Variants in KIR2DL1 observed in about 807,000 individuals in gnomAD.
The protein encoded by KIR2DL1 is killer cell immunoglobulin like receptor, two Ig domains and long cytoplasmic tail 1.
Under a neutral mutation model 33.9 loss-of-function variants are expected in KIR2DL1, and 38 were observed. The observed-to-expected ratio is 1.12, with a 90% CI of 0.86 to 1.47. The LOEUF is 1.47. Among genes scored for constraint, KIR2DL1 ranks in the 40% most tolerant of loss-of-function variants. The probability of loss-of-function intolerance (pLI) is 0.00; values close to 1 mark genes in which losing one functional copy is unlikely to be tolerated. For missense variants in KIR2DL1, 531 were observed against 433.9 expected (o/e 1.22, Z -1.99); for synonymous variants, 179 against 165.9 (o/e 1.08, Z -0.61).
intron 5 of KIR2DL1, among the ~76,000 whole-genome samples, chr19:54,782,616 G>C (rs2077124572): frequency 1.3e-5 from 2 of 152,062 alleles, no homozygotes; most frequent in Admixed American, 6.5e-5. Flanking sequence ...ATGTGTTCAT[G>C]ATGGATCCAC....
In KIR2DL1 at chr19:54,777,762, G is replaced by A. The variant is rs183776046; in HGVS notation, c.665-850G>A. On this transcript the variant is annotated intron_variant, in intron 4 of 7. Transcript: ENST00000336077. ...TCTTCCTTCAGACAAACGTCCTGGA[G>A]CATTTCCCCAATATTTTGTTCTACG... Among the ~76,000 whole-genome samples, 158 of 147,832 alleles carry A rather than the reference G, an allele frequency of 1.1e-3. 7 individuals carry two copies. The highest frequency in any genetic ancestry group is 1.1e-3 in the Non-Finnish European group (76 of 66,232).
rs893720194 is a variant in KIR2DL1, at chr19:54,774,115, G to T, written c.370+483G>T. On this transcript the variant is annotated intron_variant, in intron 3 of 7. Coordinates refer to ENST00000336077, the MANE Select transcript of KIR2DL1 (RefSeq NM_014218.3). ...GCCTTCCATGTAATGGAGAGTAATC[G>T]TCCCAGGATATCATGGCCCCACAAC... 2.0e-5 allele frequency among the ~76,000 whole-genome samples: 3 copies of T among 148,648 alleles called. 1 individual carries two copies. Among genetic ancestry groups the T allele is most frequent in the Non-Finnish European group, 4.5e-5 (3 of 66,316 alleles).
intron 5 of KIR2DL1, 52 bp from the exon 6 acceptor site, chr19:54,782,870 T>G: frequency 6.3e-7 from 1 of 1,580,362 alleles, no homozygotes; most frequent in Non-Finnish European, 8.7e-7. Flanking sequence ...AGACAATTCA[T>G]AAAGAGGAAC....
Position 54,773,540 on chromosome 19 carries a change from A to G in KIR2DL1, c.278A>G (p.Asp93Gly), listed in dbSNP as rs2075999944. ...ANFSISRMTQ[D>G]LAGTYRCYGS... ...TTCTCCATCAGTCGCATGACGCAAG[A>G]CCTGGCAGGGACCTACAGATGCTAC... Residue 93 changes from aspartate (D) to glycine (G), a missense_variant, in exon 3 of 8, where the codon GAC becomes GGC. Asp to Gly is a moderately conservative substitution (Grantham distance 94). Coordinates refer to ENST00000336077, the MANE Select transcript of KIR2DL1 (RefSeq NM_014218.3). The G allele has an allele frequency of 1.3e-6, 2 of 1,583,168 alleles. No homozygotes were observed. The highest frequency in any genetic ancestry group is 3.4e-5 in the Admixed American group (2 of 58,872).
At chr19:54,783,380 G>C (rs1433573359) in intron 6 of KIR2DL1, 106 bp from the exon 7 acceptor site, 6 of 1,297,200 alleles carry the variant, frequency 4.6e-6, no homozygotes, top group Non-Finnish European at 6.6e-6. Context: ...TGGCAACTGA[G>C]GGACCTCAGC....
In KIR2DL1 at chr19:54,769,861, T is replaced by G; in HGVS notation, c.11T>G (p.Leu4Trp). ...TGCTCCGGCAGCACCATGTCGCTCT[T>G]GGTCGTCAGCATGGCGTGTGTTGGT... The part of the protein sequence containing the change: MSL[L>W]VVSMACVGFF... Residue 4 changes from leucine (L) to tryptophan (W), a missense_variant, in exon 1 of 8, where the codon TTG (leucine) becomes TGG (tryptophan). Leu to Trp is a moderately conservative substitution (Grantham distance 61). Coordinates refer to ENST00000336077, the MANE Select transcript of KIR2DL1 (RefSeq NM_014218.3). 4.0e-6 allele frequency: 6 copies of G among 1,515,076 alleles called. No individual in the cohort carries two copies. Among genetic ancestry groups the G allele is most frequent in the Non-Finnish European group, 5.4e-6 (6 of 1,111,326 alleles). 93.9% of individuals were successfully genotyped at this position (1,515,076 alleles called of 1,614,324 possible).
At chr19:54,775,651 C>A (rs1366985532) in intron 4 of KIR2DL1, among the ~76,000 whole-genome samples, 193 bp downstream of exon 4, 4 of 148,596 alleles carry the variant, frequency 2.7e-5, no homozygotes, top group Non-Finnish European at 4.5e-5. Flanking sequence ...TGGAGGCCCA[C>A]GGCCAGGGCT....
At chr19:54,770,953 A>G (rs2075645778) in intron 2 of KIR2DL1, 69 bp downstream of exon 2, 1 of 1,552,752 alleles carries the variant, frequency 6.4e-7, no homozygotes, top group Non-Finnish European at 8.9e-7. Context: ...ATGGGAGGGA[A>G]GTCCTGTCAG....
intron 5 of KIR2DL1, 35 bp from the exon 6 acceptor site, chr19:54,782,887 G>T: frequency 6.3e-7 from 1 of 1,599,550 alleles, no homozygotes; most frequent in Middle Eastern, 1.7e-4. Flanking sequence ...GAACTGCTAA[G>T]ATTAGCTTCT....
intron 4 of KIR2DL1, among the ~76,000 whole-genome samples, chr19:54,776,235 TTTTA>T (rs1351954060): frequency 0.037 from 3,870 of 103,304 alleles, 4 homozygotes; most frequent in African/African-American, 0.11. Context: ...ATAAATACAT[TTTTA>T]TATATATATA....
At chr19:54,781,713 G>A (rs756523629) in intron 5 of KIR2DL1, among the ~76,000 whole-genome samples, 962 of 152,116 alleles carry the variant, frequency 6.3e-3, no homozygotes, top group Non-Finnish European at 9.9e-3. Flanking sequence ...ACAAAGAGCA[G>A]CAGGTTTCAC....
chr19:54,770,843 T>C lies in KIR2DL1; in HGVS notation c.35-6T>C. 1 of 1,584,430 alleles carries C rather than the reference T, an allele frequency of 6.3e-7. No homozygotes were observed. On this transcript the variant is annotated splice_region_variant and splice_polypyrimidine_tract_variant and intron_variant, in intron 1 of 7. Coordinates refer to ENST00000336077, the MANE Select transcript of KIR2DL1 (RefSeq NM_014218.3). ...ATGGGTCATCCATCATGATCTTTCTTTCCAGGGTTCTTCTTGCTGCAGGGG... is the reference window on the plus strand; with the variant it reads ...ATGGGTCATCCATCATGATCTTTCTCTCCAGGGTTCTTCTTGCTGCAGGGG...
chr19:54,777,252 T>G (rs587921), intron 4 of KIR2DL1, among the ~76,000 whole-genome samples: 32,796 of 120,040 alleles, frequency 0.27, 3,634 homozygotes, highest in South Asian at 0.35. Context: ...CACCACGCCC[T>G]ACTAATTTTT....
At chr19:54,779,789 G>A (rs2076754366) in intron 5 of KIR2DL1, among the ~76,000 whole-genome samples, 1 of 147,820 alleles carries the variant, frequency 6.8e-6, no homozygotes, top group Admixed American at 6.9e-5. Context: ...TCTGCCCTTG[G>A]GACACTGATA....
In KIR2DL1 at chr19:54,783,973, C is replaced by T. The variant is rs1488617763; in HGVS notation, c.*160C>T. 4.3e-6 allele frequency: 5 copies of T among 1,170,866 alleles called. No homozygotes were observed. The highest frequency in any genetic ancestry group is 6.3e-6 in the Non-Finnish European group (5 of 793,082). The allele number at this position is 1,170,866 out of a possible 1,614,324, so 72.5% of individuals were successfully genotyped here. ...ACACCACAAATCTGAATGTGCCTCT[C>T]TCTTGCTTACAAATGTCTAAGGTCC... On this transcript the variant is annotated 3_prime_UTR_variant, in exon 8 of 8. Transcript: ENST00000336077.
intron 2 of KIR2DL1, 129 bp downstream of exon 2, chr19:54,771,013 A>G: frequency 1.5e-6 from 2 of 1,356,202 alleles, no homozygotes; most frequent in Non-Finnish European, 2.1e-6. Flanking sequence ...CTGGGCCCAC[A>G]TTTCTGACCT....
chr19:54,775,590 G>C, intron 4 of KIR2DL1, 132 bp downstream of exon 4: 1 of 1,261,484 alleles, frequency 7.9e-7, no homozygotes, highest in East Asian at 2.4e-5. Flanking sequence ...GGAGGGATCA[G>C]GGCACAGGAT....
chr19:54,782,137 G>A (rs1192580824), intron 5 of KIR2DL1, among the ~76,000 whole-genome samples: 3 of 152,068 alleles, frequency 2.0e-5, no homozygotes, highest in South Asian at 2.1e-4. Flanking sequence ...GTGTAGCTGC[G>A]GGAAGCCAGA....
At position 54,773,061 on chromosome 19, in the gene KIR2DL1, C is replaced by T. The variant is rs145713310; in HGVS notation, c.71-272C>T. Reference sequence around the variant, plus strand: ...ACCCCCACATAGACAGCAGGAAAGACATTAGTTCGAAATAGATACAACAGC... The same window carrying T: ...ACCCCCACATAGACAGCAGGAAAGATATTAGTTCGAAATAGATACAACAGC... On this transcript the variant is annotated intron_variant, in intron 2 of 7. Transcript: ENST00000336077. Among the ~76,000 whole-genome samples the T allele has an allele frequency of 4.6e-3, 679 of 148,520 alleles. 50 individuals are homozygous for T. The highest frequency in any genetic ancestry group is 0.015 in the African/African-American group (626 of 40,820).
Sources: allele counts gnomAD v4.1 joint callset (sites outside exome capture counted in the v4.1 genomes callset), GRCh38; gene constraint gnomAD v4.1.1; transcripts MANE v1.5; gene names NCBI Gene and HGNC (gene_info 2026-07-23, HGNC 2026-07-21).